Variants in GSK3B observed in about 807,000 individuals in gnomAD.
GSK3B encodes the protein glycogen synthase kinase-3 beta.
A neutral mutation model predicts 56.4 loss-of-function variants in GSK3B; 15 were observed. That is an observed-to-expected ratio of 0.27 (90% CI 0.18 to 0.41). The LOEUF (loss-of-function observed/expected upper bound fraction) is 0.41, where lower values mean the gene tolerates loss of function less well. Ranked by LOEUF, GSK3B falls within the 10% of genes least tolerant of loss-of-function variation. The probability of loss-of-function intolerance (pLI) is 1.00; values close to 1 mark genes in which losing one functional copy is unlikely to be tolerated. For missense variants in GSK3B, 300 were observed against 513.4 expected, an observed-to-expected ratio of 0.58 and a Z score of 4.02; for synonymous variants, 181 against 188.9, an observed-to-expected ratio of 0.96 and a Z score of 0.34.
intron 2 of GSK3B, among the ~76,000 whole-genome samples, chr3:119,973,435 C>T (rs962034559): frequency 1.4e-4 from 22 of 152,146 alleles, no homozygotes; most frequent in African/African-American, 3.6e-4. Flanking sequence ...CTGCTCTTGA[C>T]GTCTAACCAT....
rs552968181 is a variant in GSK3B, at chr3:119,990,022, TA to T, written c.282+12023del. Among the ~76,000 whole-genome samples, 400 of 152,266 alleles carry T rather than the reference TA, an allele frequency of 2.6e-3. 1 individual carries two copies. Among genetic ancestry groups the T allele is most frequent in the Non-Finnish European group, 4.5e-3 (303 of 68,018 alleles). On this transcript the variant is annotated intron_variant, in intron 2 of 10. Transcript: ENST00000264235. Reference sequence around the variant, plus strand: ...GCCATCTTGGACAAGCCCCTCATTCTAAAATTCACCTTAATAAAAAACTGCC... The same window carrying T: ...GCCATCTTGGACAAGCCCCTCATTCTAAATTCACCTTAATAAAAAACTGCC...
At chr3:119,879,778 C>T (rs555434049) in intron 7 of GSK3B, among the ~76,000 whole-genome samples, 21 of 152,192 alleles carry the variant, frequency 1.4e-4, no homozygotes, top group African/African-American at 4.1e-4. Context: ...CAACGACTTC[C>T]GGTGCCATCT....
intron 2 of GSK3B, among the ~76,000 whole-genome samples, chr3:119,990,012 C>T (rs1186474611): frequency 1.3e-5 from 2 of 152,082 alleles, no homozygotes; most frequent in Admixed American, 6.6e-5. Context: ...CTTGGACAAG[C>T]CCCTCATTCT....
intron 1 of GSK3B, among the ~76,000 whole-genome samples, chr3:120,022,599 A>G (rs564623065): frequency 3.9e-5 from 6 of 152,220 alleles, no homozygotes; most frequent in Non-Finnish European, 7.3e-5. Context: ...AATGAAAGAA[A>G]AAAAGACCGG....
chr3:120,025,090 G>T (rs978313881), intron 1 of GSK3B, among the ~76,000 whole-genome samples: 3 of 152,154 alleles, frequency 2.0e-5, no homozygotes, highest in African/African-American at 7.2e-5. Flanking sequence ...CAGGTGTGGT[G>T]GCTCATGTCT....
At chr3:119,956,252 T>C (rs1226498656) in intron 2 of GSK3B, among the ~76,000 whole-genome samples, 1 of 152,172 alleles carries the variant, frequency 6.6e-6, no homozygotes, top group Non-Finnish European at 1.5e-5. Flanking sequence ...CACATTCATT[T>C]TGAAACGACT....
intron 1 of GSK3B, among the ~76,000 whole-genome samples, chr3:120,009,364 A>G (rs1465325747): frequency 6.6e-6 from 1 of 152,178 alleles, no homozygotes; most frequent in African/African-American, 2.4e-5. Flanking sequence ...AAATCATTCT[A>G]CTATGAAACA....
intron 3 of GSK3B, among the ~76,000 whole-genome samples, chr3:119,942,241 TATTA>T (rs1472249043): frequency 6.6e-6 from 1 of 152,198 alleles, no homozygotes; most frequent in Non-Finnish European, 1.5e-5. Context: ...TACAGAAAAC[TATTA>T]ATTGATTGAA....
chr3:120,081,356 G>T (rs933848086), intron 1 of GSK3B, among the ~76,000 whole-genome samples: 1 of 151,976 alleles, frequency 6.6e-6, no homozygotes, highest in Non-Finnish European at 1.5e-5. Flanking sequence ...AGACCATCCT[G>T]GTCAACATGG....
At chr3:119,901,307 AT>A (rs1173169121) in intron 7 of GSK3B, among the ~76,000 whole-genome samples, 1 of 152,162 alleles carries the variant, frequency 6.6e-6, no homozygotes, top group Non-Finnish European at 1.5e-5. Flanking sequence ...AAATCCAAGC[AT>A]TTTTGATATG....
chr3:119,870,353 G>C (rs1346417538), intron 8 of GSK3B, among the ~76,000 whole-genome samples: 1 of 152,064 alleles, frequency 6.6e-6, no homozygotes, highest in African/African-American at 2.4e-5. Context: ...TACTTCTTTT[G>C]CATGCTTTAT....
At chr3:119,953,753 A>G (rs752601600) in intron 2 of GSK3B, among the ~76,000 whole-genome samples, 9 of 152,158 alleles carry the variant, frequency 5.9e-5, no homozygotes, top group Non-Finnish European at 8.8e-5. Flanking sequence ...CCATCACATT[A>G]CCATCAGTGG....
intron 1 of GSK3B, among the ~76,000 whole-genome samples, chr3:120,092,703 G>A (rs1559910556): frequency 6.6e-6 from 1 of 152,188 alleles, no homozygotes; most frequent in Non-Finnish European, 1.5e-5. Context: ...AATGCATACA[G>A]AGATGTTACT....
chr3:120,050,240 A>AG (rs1210341299), intron 1 of GSK3B, among the ~76,000 whole-genome samples: 1 of 152,248 alleles, frequency 6.6e-6, no homozygotes, highest in African/African-American at 2.4e-5. Flanking sequence ...GCCATTCATG[A>AG]GGGATCCACC....
chr3:119,914,765 A>AT (rs1242065965), intron 5 of GSK3B, among the ~76,000 whole-genome samples: 1 of 152,066 alleles, frequency 6.6e-6, no homozygotes, highest in Non-Finnish European at 1.5e-5. Context: ...AGATTTACTT[A>AT]TTTTTTAAAG....
intron 1 of GSK3B, among the ~76,000 whole-genome samples, chr3:120,030,921 A>T (rs915057086): frequency 6.6e-6 from 1 of 152,356 alleles, no homozygotes; most frequent in African/African-American, 2.4e-5. Context: ...CAAATGGAAA[A>T]CCAAGATCTG....
intron 1 of GSK3B, among the ~76,000 whole-genome samples, chr3:120,042,769 T>C (rs1344666638): frequency 6.6e-6 from 1 of 152,174 alleles, no homozygotes; most frequent in Non-Finnish European, 1.5e-5. Flanking sequence ...TCATACTCCT[T>C]GGCACCCACC....
chr3:119,889,155 C>G (rs1262357511), intron 7 of GSK3B, among the ~76,000 whole-genome samples: 1 of 152,086 alleles, frequency 6.6e-6, no homozygotes, highest in Non-Finnish European at 1.5e-5. Flanking sequence ...ATCCCCTCCC[C>G]TTTTGAAATC....
At chr3:119,885,745 G>C (rs1298609874) in intron 7 of GSK3B, among the ~76,000 whole-genome samples, 1 of 151,768 alleles carries the variant, frequency 6.6e-6, no homozygotes, top group Non-Finnish European at 1.5e-5. Context: ...CAGAAATAAA[G>C]CCACACACAG....
Sources: allele counts gnomAD v4.1 joint callset (sites outside exome capture counted in the v4.1 genomes callset), GRCh38; gene constraint gnomAD v4.1.1; transcripts MANE v1.5; gene names NCBI Gene and HGNC (gene_info 2026-07-23, HGNC 2026-07-21).